Variants in BCAR3 observed in about 807,000 individuals in gnomAD.
BCAR3 encodes breast cancer anti-estrogen resistance protein 3.
In BCAR3, 37 loss-of-function variants were observed where a neutral mutation model predicts 80.1. That is an observed-to-expected ratio of 0.46 (90% CI 0.36 to 0.61). The LOEUF (loss-of-function observed/expected upper bound fraction) is 0.61, where lower values mean the gene tolerates loss of function less well. Ranked by LOEUF, BCAR3 falls within the 20% of genes least tolerant of loss-of-function variation. The probability of loss-of-function intolerance (pLI) is 0.00; values close to 1 mark genes in which losing one functional copy is unlikely to be tolerated. For synonymous variants in BCAR3, 389 were observed against 418.9 expected (o/e 0.93, Z 0.87); for missense variants, 978 against 1,068.2 (o/e 0.92, Z 1.18).
chr1:93,734,389 A>G (rs150883572), intron 2 of BCAR3, among the ~76,000 whole-genome samples: 107 of 152,250 alleles, frequency 7.0e-4, no homozygotes, highest in African/African-American at 2.6e-3. Context: ...GTGTGGTTGA[A>G]CCTGAGGCCT....
chr1:93,724,533 G>A (rs1650514156), intron 2 of BCAR3, among the ~76,000 whole-genome samples: 2 of 152,192 alleles, frequency 1.3e-5, no homozygotes, highest in African/African-American at 4.8e-5. Flanking sequence ...TGCATCAAAG[G>A]ATCACACTGC....
chr1:93,808,465 T>C (rs1474202925), intron 2 of BCAR3, among the ~76,000 whole-genome samples: 1 of 152,202 alleles, frequency 6.6e-6, no homozygotes, highest in African/African-American at 2.4e-5. Flanking sequence ...ACCTCCTGTA[T>C]AGCATTTTCT....
chr1:93,775,743 G>A (rs1024976107), intron 2 of BCAR3, among the ~76,000 whole-genome samples: 4 of 152,148 alleles, frequency 2.6e-5, no homozygotes, highest in Non-Finnish European at 5.9e-5. Flanking sequence ...TATATTGCTG[G>A]GTGGAAAAAA....
chr1:93,671,471 A>T lies in BCAR3; in HGVS notation c.317+3143T>A, dbSNP rs76994754. ...CACTATCTTCATGCCAATACCCGTC[A>T]GGCCAATACCCAACATGATGAGATG... On this transcript the variant is annotated intron_variant, in intron 2 of 11. Coordinates refer to ENST00000260502, the MANE Select transcript of BCAR3 (RefSeq NM_003567.4). Among the ~76,000 whole-genome samples the T allele has an allele frequency of 5.9e-3, 906 of 152,314 alleles. 8 individuals carry two copies. Among genetic ancestry groups the T allele is most frequent in the African/African-American group, 0.02 (836 of 41,580 alleles).
intron 2 of BCAR3, among the ~76,000 whole-genome samples, chr1:93,798,671 T>G (rs1180844409): frequency 6.6e-6 from 1 of 152,188 alleles, no homozygotes; most frequent in Non-Finnish European, 1.5e-5. Flanking sequence ...CTGACTTTAC[T>G]TTAGGCAAGA....
At chr1:93,656,029 C>T (rs1337743082) in intron 2 of BCAR3, among the ~76,000 whole-genome samples, 1 of 152,120 alleles carries the variant, frequency 6.6e-6, no homozygotes, top group Non-Finnish European at 1.5e-5. Context: ...CTGTATTCAC[C>T]CTTGTTCTTA....
chr1:93,711,762 T>C (rs1650034275), intron 2 of BCAR3, among the ~76,000 whole-genome samples: 1 of 152,226 alleles, frequency 6.6e-6, no homozygotes, highest in African/African-American at 2.4e-5. Flanking sequence ...TTACCTTTAG[T>C]TGTCCTCATC....
intron 2 of BCAR3, chr1:93,752,803 A>G (rs1398418487): frequency 6.6e-6 from 1 of 152,242 alleles, no homozygotes; most frequent in Non-Finnish European, 1.5e-5. Flanking sequence ...CATTTCTCAT[A>G]GAGAAGGGAC....
chr1:93,801,248 G>A (rs1274751568), intron 2 of BCAR3, among the ~76,000 whole-genome samples: 1 of 152,192 alleles, frequency 6.6e-6, no homozygotes, highest in Admixed American at 6.5e-5. Flanking sequence ...GGTAAACTGA[G>A]CAGTAAGTTG....
intron 2 of BCAR3, among the ~76,000 whole-genome samples, chr1:93,804,065 C>CT (rs1218089591): frequency 6.6e-6 from 1 of 152,208 alleles, no homozygotes; most frequent in Non-Finnish European, 1.5e-5. Context: ...AATCCCAGTA[C>CT]TTTGGGAGGC....
intron 3 of BCAR3, among the ~76,000 whole-genome samples, chr1:93,602,760 A>G (rs943479291): frequency 1.3e-5 from 2 of 152,204 alleles, no homozygotes; most frequent in Non-Finnish European, 2.9e-5. Flanking sequence ...ATAAACCCCA[A>G]TTACTTTCAT....
At chr1:93,763,212 C>T (rs780484370) in intron 2 of BCAR3, among the ~76,000 whole-genome samples, 186 of 152,244 alleles carry the variant, frequency 1.2e-3, no homozygotes, top group Non-Finnish European at 1.7e-3. Flanking sequence ...TACAGGTGCA[C>T]GTCACCACAC....
intron 3 of BCAR3, chr1:93,613,701 T>C: frequency 1.0e-6 from 1 of 964,842 alleles, no homozygotes; most frequent in Middle Eastern, 2.2e-4. Flanking sequence ...CACTAGGGGC[T>C]CTTGAAGACC....
chr1:93,732,895 C>T (rs1474322919), intron 2 of BCAR3, among the ~76,000 whole-genome samples: 1 of 152,260 alleles, frequency 6.6e-6, no homozygotes, highest in Non-Finnish European at 1.5e-5. Context: ...CTTCCTCCTA[C>T]ACCTGCAGCA....
chr1:93,741,295 T>C (rs1420287314), intron 2 of BCAR3, among the ~76,000 whole-genome samples: 1 of 152,204 alleles, frequency 6.6e-6, no homozygotes, highest in Non-Finnish European at 1.5e-5. Context: ...TTATTATTAA[T>C]GCCTGATACC....
chr1:93,652,940 C>T (rs949914252), intron 2 of BCAR3, among the ~76,000 whole-genome samples: 12 of 152,212 alleles, frequency 7.9e-5, no homozygotes, highest in African/African-American at 2.7e-4. Context: ...TTAGTTGAGT[C>T]GCAGAAATGA....
intron 3 of BCAR3, among the ~76,000 whole-genome samples, chr1:93,620,339 A>G (rs938360827): frequency 5.9e-5 from 9 of 152,252 alleles, no homozygotes; most frequent in African/African-American, 1.9e-4. Flanking sequence ...ACACTTGCCC[A>G]GATGTCTCAG....
At chr1:93,562,535 C>T (rs558582073) in intron 11 of BCAR3, 116 bp from the exon 12 acceptor site, 29 of 814,772 alleles carry the variant, frequency 3.6e-5, no homozygotes, top group East Asian at 5.7e-5. Context: ...TTTGGGAGGC[C>T]GAGGTGGGTG....
chr1:93,618,878 G>C (rs1171912545), intron 3 of BCAR3, among the ~76,000 whole-genome samples: 3 of 147,884 alleles, frequency 2.0e-5, no homozygotes, highest in Non-Finnish European at 3.0e-5. Context: ...TTACTATGTT[G>C]TTCCGTTTTG....
Sources: allele counts gnomAD v4.1 joint callset (sites outside exome capture counted in the v4.1 genomes callset), GRCh38; gene constraint gnomAD v4.1.1; transcripts MANE v1.5; gene names NCBI Gene and HGNC (gene_info 2026-07-23, HGNC 2026-07-21).